The following UBR2 variants were observed in gnomAD, a reference collection of about 807,000 sequenced individuals.
UBR2 encodes E3 ubiquitin-protein ligase UBR2.
Under a neutral mutation model 247.9 loss-of-function variants are expected in UBR2, and 92 were observed. The ratio of observed to expected loss-of-function variants is 0.37; its 90% confidence interval spans 0.31 to 0.44. UBR2 has a LOEUF of 0.44. Ranked by LOEUF, UBR2 falls within the 20% of genes least tolerant of loss-of-function variation. UBR2 has a pLI of 1.00. For missense variants in UBR2, 1,613 were observed against 2,112.6 expected (o/e 0.76, Z 4.64); for synonymous variants, 672 against 693.5 (o/e 0.97, Z 0.49).
intron 11 of UBR2, among the ~76,000 whole-genome samples, chr6:42,626,106 G>A (rs1196291984): frequency 2.0e-5 from 3 of 152,072 alleles, no homozygotes; most frequent in Non-Finnish European, 4.4e-5. Flanking sequence ...GAGCCACCGT[G>A]AGCTGCCTTA....
At position 42,645,557 on chromosome 6, in the gene UBR2, T is replaced by A; in HGVS notation, c.2376T>A (p.Ala792=). The part of the protein sequence containing the change: ...IIHQLSIKPM[A]HSELVKSLPE... ...ATCAGTTGAGTATCAAGCCTATGGC[T>A]CATAGTGAATTGGTAAAGTCTTTAC... Residue 792 remains alanine (A), a synonymous_variant, in exon 21 of 47, where the codon GCT becomes GCA. Coordinates refer to ENST00000372901, the MANE Select transcript of UBR2 (RefSeq NM_001363705.2). 1 of 1,613,770 alleles carries A rather than the reference T, an allele frequency of 6.2e-7. No homozygotes were observed. Among genetic ancestry groups the A allele is most frequent in the Admixed American group, 1.7e-5 (1 of 59,934 alleles).
chr6:42,630,310 G>A (rs1200107044), intron 11 of UBR2, among the ~76,000 whole-genome samples: 3 of 151,232 alleles, frequency 2.0e-5, no homozygotes, highest in African/African-American at 4.9e-5. Context: ...TCAGCCTCCC[G>A]AGTAGCTGGG....
chr6:42,607,517 TTTG>T (rs375875260), intron 7 of UBR2, among the ~76,000 whole-genome samples: 48 of 151,802 alleles, frequency 3.2e-4, no homozygotes, highest in African/African-American at 1.1e-3. Flanking sequence ...TTATTATCAT[TTTG>T]TTGTTGTTGT....
Position 42,603,572 on chromosome 6 carries a change from CTGT to C in UBR2, c.532-11_532-9del. 1 of 1,512,406 alleles carries C rather than the reference CTGT, an allele frequency of 6.6e-7. No homozygotes were observed. Among genetic ancestry groups the C allele is most frequent in the Non-Finnish European group, 8.8e-7 (1 of 1,140,810 alleles). 93.7% of individuals were successfully genotyped at this position (1,512,406 alleles called of 1,614,324 possible). On this transcript the variant is annotated splice_polypyrimidine_tract_variant and intron_variant, in intron 4 of 46. Transcript: ENST00000372901. ...CCCTTTTTTTCTTTTTCTTTTTTTT[CTGT>C]TGTTTCTTTCAGGATCCTCTTGTTC...
At chr6:42,614,326 G>GTGTATATGTGTA (rs1554250275) in intron 8 of UBR2, among the ~76,000 whole-genome samples, 4 of 65,426 alleles carry the variant, frequency 6.1e-5, no homozygotes, top group Non-Finnish European at 1.2e-4. Flanking sequence ...ATGTATATAT[G>GTGTATATGTGTA]TGTATATGTG....
intron 30 of UBR2, among the ~76,000 whole-genome samples, chr6:42,661,704 T>A (rs1797817964): frequency 6.6e-6 from 1 of 152,158 alleles, no homozygotes; most frequent in African/African-American, 2.4e-5. Flanking sequence ...TCTGATGTGA[T>A]TATTCGCTGT....
At chr6:42,614,415 C>CATACATACGTATATATGTAT (rs1491517686) in intron 8 of UBR2, among the ~76,000 whole-genome samples, 11 of 89,220 alleles carry the variant, frequency 1.2e-4, no homozygotes, top group African/African-American at 2.4e-4. Context: ...TATGTATGTA[C>CATACATACGTATATATGTAT]GTACGTACAT....
intron 7 of UBR2, 89 bp from the exon 8 acceptor site, chr6:42,612,082 G>GTGGTTAT (rs1448079474): frequency 5.6e-6 from 7 of 1,241,140 alleles, no homozygotes; most frequent in African/African-American, 1.5e-5. Context: ...TGATGATAGT[G>GTGGTTAT]TGGTTATATT....
rs778796266 is a variant in UBR2 at position 42,573,965 on chromosome 6, A to T, written c.310A>T (p.Lys104Ter). 2.5e-6 allele frequency: 4 copies of T among 1,611,362 alleles called. No homozygotes were observed. The highest frequency in any genetic ancestry group is 3.4e-6 in the Non-Finnish European group (4 of 1,178,940). Reference sequence around the variant, plus strand: ...TTCTCATCTTTGTGGTCGTGTTTTTAAAGTAGGAGAGCCTACATATTCTTG... The same window carrying T: ...TTCTCATCTTTGTGGTCGTGTTTTTTAAGTAGGAGAGCCTACATATTCTTG... ...KPSHLCGRVFKVGEPTYSCRD... is the reference protein window; with the variant it reads ...KPSHLCGRVF Residue 104 changes from lysine to a stop codon, truncating the protein, a stop_gained, in exon 2 of 47, where the codon AAA becomes TAA. Transcript: ENST00000372901. LOFTEE classifies it high-confidence loss of function.
chr6:42,586,100 C>T (rs1341107120), intron 2 of UBR2, among the ~76,000 whole-genome samples: 1 of 152,002 alleles, frequency 6.6e-6, no homozygotes, highest in African/African-American at 2.4e-5. Flanking sequence ...CAAGGTGGCT[C>T]ACGCTTGTAA....
Position 42,652,497 on chromosome 6 carries a change from C to T in UBR2, c.2621C>T (p.Pro874Leu). Reference sequence around the variant, plus strand: ...ATAACAACTGTATTTTCAGCACTCCCACCTCCGGTGTTGCCTCCATTCTGC... The same window carrying T: ...ATAACAACTGTATTTTCAGCACTCCTACCTCCGGTGTTGCCTCCATTCTGC... ...KRQNREDTAL[P>L]PPVLPPFCPL... is the part of the protein sequence containing the mutation. The change falls in exon 25 of 47, where the codon CCA (proline) becomes CTA (leucine). Residue 874 changes from proline (P) to leucine (L), a missense_variant. Physicochemically the swap from Pro to Leu is moderately conservative, Grantham distance 98. This residue lies in a region of UBR2 where 1,524 missense variants were observed against 1,967.3 expected (regional missense o/e 0.77). Coordinates refer to ENST00000372901, the MANE Select transcript of UBR2 (RefSeq NM_001363705.2). The T allele has an allele frequency of 6.2e-7, 1 of 1,601,152 alleles. No homozygotes were observed. The highest frequency in any genetic ancestry group is 8.5e-7 in the Non-Finnish European group (1 of 1,176,960).
chr6:42,687,292 G>A lies in UBR2; in HGVS notation c.4854-924G>A, dbSNP rs558530142. ...GCCGTCAGGAGCTGGAGACCAGCCC[G>A]GCCAACACGGCGAAACCCCGTCTCC... On this transcript the variant is annotated intron_variant, in intron 44 of 46. Coordinates refer to ENST00000372901, the MANE Select transcript of UBR2 (RefSeq NM_001363705.2). Among the ~76,000 whole-genome samples the A allele has an allele frequency of 3.8e-4, 58 of 152,322 alleles. No homozygotes were observed. In the East Asian group the frequency reaches 4.3e-3, roughly 11 times the overall value.
At chr6:42,660,923 C>T (rs1797757208) in intron 30 of UBR2, among the ~76,000 whole-genome samples, 1 of 151,468 alleles carries the variant, frequency 6.6e-6, no homozygotes, top group African/African-American at 2.4e-5. Flanking sequence ...GCCGAGATTG[C>T]ACCACTGCCC....
intron 1 of UBR2, among the ~76,000 whole-genome samples, chr6:42,572,044 G>C (rs927781518): frequency 1.3e-5 from 2 of 152,046 alleles, no homozygotes; most frequent in Admixed American, 1.3e-4. Context: ...TGCTGCTGCT[G>C]CTGTTTTATT....
intron 46 of UBR2, among the ~76,000 whole-genome samples, chr6:42,690,379 C>T (rs1211300508): frequency 1.3e-5 from 2 of 152,178 alleles, no homozygotes; most frequent in Admixed American, 6.5e-5. Flanking sequence ...CTGTTCTCAG[C>T]GTGGGCTGTT....
rs371407954 is a variant in UBR2, at chr6:42,673,865, A to G, written c.4161A>G (p.Gly1387=). The G allele has an allele frequency of 1.2e-6, 2 of 1,613,450 alleles. No individual in the cohort carries two copies. The highest frequency in any genetic ancestry group is 2.7e-5 in the African/African-American group (2 of 74,918). ...TGGCATCAGTTTCAGTGGTGCAAGG[A>G]CATTTTTGTAAACTTTTTGCATGTG... ...WTVASVSVVQ[G]HFCKLFASLV... Residue 1387 remains glycine (G), a synonymous_variant, in exon 37 of 47, where the codon GGA becomes GGG. Coordinates refer to ENST00000372901, the MANE Select transcript of UBR2 (RefSeq NM_001363705.2).
At chr6:42,679,683 T>A in intron 41 of UBR2, 41 bp from the exon 42 acceptor site, 1 of 1,424,894 alleles carries the variant, frequency 7.0e-7, no homozygotes, top group Non-Finnish European at 9.9e-7. Context: ...GAATATGCCC[T>A]TAGTTGTTAT....
intron 11 of UBR2, among the ~76,000 whole-genome samples, chr6:42,631,877 T>A (rs1461362056): frequency 7.1e-6 from 1 of 140,136 alleles, no homozygotes; most frequent in Non-Finnish European, 1.5e-5. Context: ...TATATATATA[T>A]ATATATATAT....
intron 21 of UBR2, among the ~76,000 whole-genome samples, chr6:42,647,164 G>A (rs1346466208): frequency 1.3e-5 from 2 of 152,084 alleles, no homozygotes; most frequent in Admixed American, 6.6e-5. Flanking sequence ...ATCTAGTCAA[G>A]ATAAAAATTA....
Sources: gnomAD v4.1 joint callset for allele counts (sites outside exome capture counted in the v4.1 genomes callset) on GRCh38, gnomAD v4.1.1 for gene constraint, gnomAD v4.1.1 regional missense constraint, MANE v1.5 for transcripts, NCBI Gene and HGNC (gene_info 2026-07-23, HGNC 2026-07-21) for gene names.